The following ADAM29 variants were observed in gnomAD, a reference collection of about 807,000 sequenced individuals.
ADAM29 encodes disintegrin and metalloproteinase domain-containing protein 29.
For missense variants in ADAM29, 969 were observed against 1,001.8 expected (o/e 0.97, Z 0.44); for synonymous variants, 367 against 342.3 (o/e 1.07, Z -0.80).
chr4:174,924,605 A>G (rs1486251394), intron 2 of ADAM29, among the ~76,000 whole-genome samples: 2 of 152,230 alleles, frequency 1.3e-5, no homozygotes, highest in South Asian at 2.1e-4. Flanking sequence ...CGACATATCA[A>G]TACAATGGAT....
intron 4 of ADAM29, among the ~76,000 whole-genome samples, chr4:174,947,689 T>C (rs373587551): frequency 3.9e-5 from 6 of 152,204 alleles, no homozygotes; most frequent in African/African-American, 1.4e-4. Context: ...GTGTGTGCCA[T>C]GTGCAGATAA....
At chr4:174,969,766 T>A (rs1364460218) in intron 4 of ADAM29, among the ~76,000 whole-genome samples, 1 of 152,068 alleles carries the variant, frequency 6.6e-6, no homozygotes, top group Non-Finnish European at 1.5e-5. Flanking sequence ...CTAATTACTT[T>A]TCCATATAAA....
rs532106901 is a variant in ADAM29 at position 174,973,058 on chromosome 4, C to T, written c.-180-2288C>T. On this transcript the variant is annotated intron_variant, in intron 4 of 4. Coordinates refer to ENST00000359240, the MANE Select transcript of ADAM29 (RefSeq NM_014269.4). Reference sequence around the variant, plus strand: ...AGTGTCAGATACACAGATCAGCACTCTTCCTCCACAGCAGGAAGCTGAAAG... The same window carrying T: ...AGTGTCAGATACACAGATCAGCACTTTTCCTCCACAGCAGGAAGCTGAAAG... Among the ~76,000 whole-genome samples, 15 of 152,298 alleles carry T rather than the reference C, an allele frequency of 9.8e-5. No homozygotes were observed. In the East Asian group the frequency reaches 2.7e-3, roughly 27 times the overall value.
chr4:174,958,957 C>T (rs189529309), intron 4 of ADAM29, among the ~76,000 whole-genome samples: 2 of 148,320 alleles, frequency 1.3e-5, no homozygotes, highest in East Asian at 4.0e-4. Flanking sequence ...ATTTTACTTA[C>T]TTATATTCTT....
chr4:174,947,182 T>G (rs1744902169), intron 4 of ADAM29, among the ~76,000 whole-genome samples: 1 of 152,094 alleles, frequency 6.6e-6, no homozygotes, highest in African/African-American at 2.4e-5. Context: ...ATATTTATTT[T>G]TTCAAAAAGC....
At chr4:174,941,294 A>G (rs1197555166) in intron 4 of ADAM29, among the ~76,000 whole-genome samples, 1 of 152,218 alleles carries the variant, frequency 6.6e-6, no homozygotes, top group Non-Finnish European at 1.5e-5. Context: ...TGTGTCTGAT[A>G]AATGTCAGGT....
Position 174,931,146 on chromosome 4 carries a change from C to G in ADAM29, c.-290C>G, listed in dbSNP as rs1354520550. ...CCATCCAGTCCTCTTTGCGTGGAAT[C>G]AGACCTCTTTTGCAGTGGAAAGGAG... On this transcript the variant is annotated 5_prime_UTR_variant, in exon 3 of 5. The change creates a new upstream start codon in the 5' untranslated region. Transcript: ENST00000359240. 6.6e-6 allele frequency: 1 copy of G among 152,198 alleles called. No homozygotes were observed. The highest frequency in any genetic ancestry group is 1.5e-5 in the Non-Finnish European group (1 of 68,052). 9.4% of individuals were successfully genotyped at this position (152,198 alleles called of 1,614,324 possible).
intron 4 of ADAM29, among the ~76,000 whole-genome samples, chr4:174,942,876 TA>T (rs761945500): frequency 6.6e-5 from 10 of 152,332 alleles, no homozygotes; most frequent in Admixed American, 1.3e-4. Flanking sequence ...GCTTCCCTTT[TA>T]AAAATAAGTT....
Position 174,976,941 on chromosome 4 carries a change from C to G in ADAM29, c.1416C>G (p.Ser472=), listed in dbSNP as rs1343208589. The G allele has an allele frequency of 2.5e-6, 4 of 1,613,940 alleles. No individual in the cohort carries two copies. The highest frequency in any genetic ancestry group is 3.4e-6 in the Non-Finnish European group (4 of 1,180,008). The change falls in exon 5 of 5, where the codon TCC becomes TCG. Residue 472 remains serine (S), a synonymous_variant. Transcript: ENST00000359240. ...TTCCAGAGTGGTGCAATGGTACTTC[C>G]CATAAGTGCCCAGATGACTTTTATG... The part of the protein sequence containing the change: ...CDLPEWCNGT[S]HKCPDDFYVE...
intron 4 of ADAM29, among the ~76,000 whole-genome samples, chr4:174,956,529 A>AAG (rs1239378533): frequency 6.6e-6 from 1 of 151,262 alleles, no homozygotes; most frequent in Non-Finnish European, 1.5e-5. Flanking sequence ...AGAGAAAAAA[A>AAG]AGAGAGAGAA....
intron 4 of ADAM29, among the ~76,000 whole-genome samples, chr4:174,941,607 C>G (rs1446411756): frequency 6.6e-6 from 1 of 152,056 alleles, no homozygotes; most frequent in Admixed American, 6.6e-5. Context: ...GTCATGGGAA[C>G]AGCATGGGAG....
chr4:174,918,735 C>T (rs1043551157), intron 1 of ADAM29, among the ~76,000 whole-genome samples: 1 of 151,046 alleles, frequency 6.6e-6, no homozygotes, highest in Non-Finnish European at 1.5e-5. Flanking sequence ...CCTTGTAGTA[C>T]TTCTCTAAAT....
chr4:174,949,251 C>A (rs528716632), intron 4 of ADAM29, among the ~76,000 whole-genome samples: 1 of 152,106 alleles, frequency 6.6e-6, no homozygotes, highest in African/African-American at 2.4e-5. Flanking sequence ...TACAGTCACC[C>A]TGAGGCTAAA....
chr4:174,918,720 C>T (rs989571895), intron 1 of ADAM29, among the ~76,000 whole-genome samples: 1 of 151,640 alleles, frequency 6.6e-6, no homozygotes, highest in Non-Finnish European at 1.5e-5. Context: ...AAACTTTGTA[C>T]TATTCCTTGT....
chr4:174,954,387 C>T (rs770095354), intron 4 of ADAM29, among the ~76,000 whole-genome samples: 1 of 152,142 alleles, frequency 6.6e-6, no homozygotes, highest in Non-Finnish European at 1.5e-5. Context: ...GGTCTCTCTC[C>T]ACTGAAGTTT....
chr4:174,944,744 G>T (rs568934880), intron 4 of ADAM29, among the ~76,000 whole-genome samples: 82 of 152,114 alleles, frequency 5.4e-4, no homozygotes, highest in Non-Finnish European at 9.4e-4. Flanking sequence ...ATGTGTACTC[G>T]ATGTTTAGCT....
chr4:174,931,373 A>G (rs1743863207), intron 3 of ADAM29, 199 bp downstream of exon 3: 1 of 152,256 alleles, frequency 6.6e-6, no homozygotes. Context: ...ATTAAAAACA[A>G]AAGGCACATC....
Position 174,975,913 on chromosome 4 carries a change from A to G in ADAM29, c.388A>G (p.Asn130Asp). The change falls in exon 5 of 5, where the codon AAT becomes GAT. Residue 130 changes from asparagine (N) to aspartate (D), a missense_variant. By Grantham distance (23) the Asn-to-Asp change is conservative. Coordinates refer to ENST00000359240, the MANE Select transcript of ADAM29 (RefSeq NM_014269.4). Reference protein sequence around the residue: ...FGGFQGILQINDFAYEIKPLA... With the variant: ...FGGFQGILQIDDFAYEIKPLA... ...GGGTTTTCAAGGAATATTACAGATA[A>G]ATGACTTTGCTTATGAAATCAAGCC... The G allele has an allele frequency of 2.5e-6, 4 of 1,613,754 alleles. No homozygotes were observed. The highest frequency in any genetic ancestry group is 3.4e-6 in the Non-Finnish European group (4 of 1,179,890).
chr4:174,926,404 A>G (rs934096644), intron 2 of ADAM29, among the ~76,000 whole-genome samples: 5 of 152,100 alleles, frequency 3.3e-5, no homozygotes, highest in East Asian at 1.9e-4. Flanking sequence ...TCTGAAAATA[A>G]GATATATTTA....
Sources: gnomAD v4.1 joint callset for allele counts (sites outside exome capture counted in the v4.1 genomes callset) on GRCh38, gnomAD v4.1.1 for gene constraint, MANE v1.5 for transcripts, NCBI Gene and HGNC (gene_info 2026-07-23, HGNC 2026-07-21) for gene names.